The following SENP8 variants were observed in gnomAD, a reference collection of about 807,000 sequenced individuals.
SENP8 encodes sentrin-specific protease 8.
Under a neutral mutation model 14.4 loss-of-function variants are expected in SENP8, and 10 were observed. The ratio of observed to expected loss-of-function variants is 0.69; its 90% CI spans 0.43 to 1.18. The LOEUF (loss-of-function observed/expected upper bound fraction) is 1.18, where lower values mean the gene tolerates loss of function less well. Ranked by LOEUF, SENP8 falls within the 50% of genes most tolerant of loss-of-function variation. The pLI is 0.00. For synonymous variants in SENP8, 94 were observed against 95.5 expected (o/e 0.98, Z 0.09); for missense variants, 202 against 249.4 (o/e 0.81, Z 1.28).
At chr15:72,117,835 C>A (rs1184903938), upstream of SENP8, 1 of 398,678 alleles carries the variant, frequency 2.5e-6, no homozygotes, top group East Asian at 3.6e-5. Flanking sequence ...GCCTCAGGGT[C>A]CGGGCGAGCG....
chr15:72,139,791 T>C lies in SENP8; in HGVS notation c.168T>C (p.Pro56=), dbSNP rs748611390. ...DCSDHVSFIS[P]EVTQFIKCTS... ...CTGATCACGTCAGTTTCATCAGCCCTGAAGTCACCCAGTTCATCAAGTGCA... is the reference window on the plus strand; with the variant it reads ...CTGATCACGTCAGTTTCATCAGCCCCGAAGTCACCCAGTTCATCAAGTGCA... Residue 56 remains proline (P), a synonymous_variant, in exon 2 of 2, where the codon CCT becomes CCC. Transcript: ENST00000340912. 7 of 1,614,072 alleles carry C rather than the reference T, an allele frequency of 4.3e-6. No homozygotes were observed. Among genetic ancestry groups the C allele is most frequent in the Non-Finnish European group, 5.9e-6 (7 of 1,180,032 alleles).
intron 1 of SENP8, among the ~76,000 whole-genome samples, chr15:72,128,303 CT>C (rs1297705497): frequency 6.6e-6 from 1 of 152,158 alleles, no homozygotes; most frequent in Non-Finnish European, 1.5e-5. Context: ...AATAAATTTA[CT>C]TTAATAAATG....
At chr15:72,118,179 C>G (rs979858495), upstream of SENP8, 3 of 363,616 alleles carry the variant, frequency 8.3e-6, no homozygotes, top group Admixed American at 4.7e-5. Context: ...CTACTGCCAG[C>G]ACGGGTCGGC....
chr15:72,117,983 T>G (rs1056153990), upstream of SENP8: 21 of 399,434 alleles, frequency 5.3e-5, no homozygotes, highest in Non-Finnish European at 8.8e-5. Flanking sequence ...CCGGTGCAAC[T>G]ACTGCCTCCG....
chr15:72,141,722 C>T lies in SENP8; in HGVS notation c.*1460C>T, dbSNP rs1306450513. 2 of 152,022 alleles carry T rather than the reference C, an allele frequency of 1.3e-5. No homozygotes were observed. The highest frequency in any genetic ancestry group is 2.9e-5 in the Non-Finnish European group (2 of 67,990). The allele number at this position is 152,022 out of a possible 1,614,324, so 9.4% of individuals were successfully genotyped here. ...AACTAAAAGTCAAAGAGAAAGCTAT[C>T]AAAAAAAGTTTCCATTTCAAGTCGG... is the stretch of plus-strand genomic sequence containing the variant. On this transcript the variant is annotated 3_prime_UTR_variant, in exon 2 of 2. Transcript: ENST00000340912.
upstream of SENP8, among the ~76,000 whole-genome samples, chr15:72,116,259 G>A (rs984605365): frequency 6.6e-6 from 1 of 151,890 alleles, no homozygotes; most frequent in Non-Finnish European, 1.5e-5. Context: ...TAATTTTAAT[G>A]TGATTTTCTC....
In SENP8 at chr15:72,141,362, C is replaced by T. The variant is rs1049426121; in HGVS notation, c.*1100C>T. 3 of 151,998 alleles carry T rather than the reference C, an allele frequency of 2.0e-5. No homozygotes were observed. The highest frequency in any genetic ancestry group is 2.9e-5 in the Non-Finnish European group (2 of 68,018). 9.4% of individuals were successfully genotyped at this position (151,998 alleles called of 1,614,324 possible). A position where few individuals can be genotyped will look rare whatever the true frequency, so the allele number is the denominator to read the frequency against. ...GTAAAATGTGGAACCAAGAGTAGAA[C>T]GAAATACTATCCCTCCAGAAGCACT... is the stretch of plus-strand genomic sequence containing the variant. On this transcript the variant is annotated 3_prime_UTR_variant, in exon 2 of 2. Transcript: ENST00000340912.
At chr15:72,129,395 T>C (rs1028276912) in intron 1 of SENP8, among the ~76,000 whole-genome samples, 2 of 151,472 alleles carry the variant, frequency 1.3e-5, no homozygotes, top group Non-Finnish European at 2.9e-5. Flanking sequence ...ACAGTTTCGC[T>C]GTTGTTGCCC....
At chr15:72,134,112 A>G (rs1021588576) in intron 1 of SENP8, among the ~76,000 whole-genome samples, 1 of 152,002 alleles carries the variant, frequency 6.6e-6, no homozygotes, top group African/African-American at 2.4e-5. Context: ...TGCCCCGCTA[A>G]TTTTTTGTAT....
At chr15:72,120,536 A>G (rs962556248) in intron 1 of SENP8, among the ~76,000 whole-genome samples, 3 of 152,230 alleles carry the variant, frequency 2.0e-5, no homozygotes, top group Admixed American at 1.3e-4. Flanking sequence ...AGTACAAAAA[A>G]GGTTCTTAAC....
intron 1 of SENP8, among the ~76,000 whole-genome samples, chr15:72,119,470 CG>C (rs199553030): frequency 0.016 from 2,425 of 152,120 alleles, 31 homozygotes; most frequent in Middle Eastern, 0.031. Flanking sequence ...GTCATTTAGC[CG>C]GGCGCGGTGG....
intron 1 of SENP8, among the ~76,000 whole-genome samples, chr15:72,130,946 T>A (rs2081268146): frequency 6.6e-6 from 1 of 152,112 alleles, no homozygotes; most frequent in Non-Finnish European, 1.5e-5. Context: ...TAGTGGAAAC[T>A]TAGAAAAGAG....
In SENP8 at chr15:72,141,924, C is replaced by T. The variant is rs1158310292; in HGVS notation, c.*1662C>T. 3 of 152,186 alleles carry T rather than the reference C, an allele frequency of 2.0e-5. No homozygotes were observed. The highest frequency in any genetic ancestry group is 7.2e-5 in the African/African-American group (3 of 41,442). 9.4% of individuals were successfully genotyped at this position (152,186 alleles called of 1,614,324 possible). On this transcript the variant is annotated 3_prime_UTR_variant, in exon 2 of 2. Transcript: ENST00000340912. ...TAAGAAAACAATGTTATTTCAGTGA[C>T]TGTTGACTTAGGCAGCTAATCTAGA...
intron 1 of SENP8, among the ~76,000 whole-genome samples, chr15:72,135,821 T>A (rs958840897): frequency 9.2e-5 from 14 of 152,320 alleles, no homozygotes; most frequent in African/African-American, 3.4e-4. Context: ...GATGACTGAC[T>A]GTTGAGGCAG....
chr15:72,125,037 A>C (rs554572350), intron 1 of SENP8, among the ~76,000 whole-genome samples: 1 of 152,168 alleles, frequency 6.6e-6, no homozygotes, highest in South Asian at 2.1e-4. Flanking sequence ...TTAATTTACC[A>C]GTCCTTTTTT....
intron 1 of SENP8, among the ~76,000 whole-genome samples, chr15:72,136,480 A>AT (rs2081328540): frequency 1.3e-5 from 2 of 150,630 alleles, no homozygotes; most frequent in African/African-American, 4.8e-5. Flanking sequence ...CTTATTATAT[A>AT]TTTTTTCTTT....
At position 72,139,817 on chromosome 15, in the gene SENP8, C is replaced by T; in HGVS notation, c.194C>T (p.Thr65Ile). 1 of 1,614,202 alleles carries T rather than the reference C, an allele frequency of 6.2e-7. No individual in the cohort carries two copies. The highest frequency in any genetic ancestry group is 1.1e-5 in the South Asian group (1 of 91,090). Residue 65 changes from threonine to isoleucine, a missense_variant, in exon 2 of 2, where the codon ACT becomes ATT. Coordinates refer to ENST00000340912, the MANE Select transcript of SENP8 (RefSeq NM_145204.4). ...SPEVTQFIKC[T>I]SNPAEIAMFL... is the part of the protein sequence containing the mutation. ...GAAGTCACCCAGTTCATCAAGTGCA[C>T]TAGCAACCCAGCAGAGATTGCCATG...
At chr15:72,128,785 A>G (rs2081243575) in intron 1 of SENP8, among the ~76,000 whole-genome samples, 1 of 152,224 alleles carries the variant, frequency 6.6e-6, no homozygotes, top group African/African-American at 2.4e-5. Context: ...GTACAGATGC[A>G]TCTCTGAGCA....
chr15:72,138,093 A>G (rs4777489), intron 1 of SENP8, among the ~76,000 whole-genome samples: 31,363 of 152,100 alleles, frequency 0.21, 3,417 homozygotes, highest in East Asian at 0.41. Context: ...CATTATGCAT[A>G]TTCATTAAGG....
Sources: allele counts gnomAD v4.1 joint callset (sites outside exome capture counted in the v4.1 genomes callset), GRCh38; gene constraint gnomAD v4.1.1; transcripts MANE v1.5; gene names NCBI Gene and HGNC (gene_info 2026-07-23, HGNC 2026-07-21).